TMTC2: variants seen among roughly 807,000 people sequenced by gnomAD.
TMTC2 encodes the protein protein O-mannosyl-transferase TMTC2.
A neutral mutation model predicts 82.4 loss-of-function variants in TMTC2; 43 were observed. The ratio of observed to expected loss-of-function variants is 0.52; its 90% confidence interval spans 0.41 to 0.67. The LOEUF is 0.67. Among genes scored for constraint, TMTC2 ranks in the 30% least tolerant of loss-of-function variants. The pLI is 0.00. For synonymous variants in TMTC2, 408 were observed against 381.9 expected (o/e 1.07, Z -0.80); for missense variants, 919 against 1,012.4 (o/e 0.91, Z 1.25).
Position 82,857,169 on chromosome 12 carries a change from G to T in TMTC2, c.243G>T (p.Gly81=). The change falls in exon 2 of 12, where the codon GGG becomes GGT. Residue 81 remains glycine (G), a synonymous_variant. Transcript: ENST00000321196. The part of the protein sequence containing the change: ...LSFRLNHAIG[G]LNPWSYHLVN... ...TTCGCCTGAACCATGCCATTGGAGG[G>T]TTGAATCCCTGGAGCTACCATCTTG... 1 of 1,614,142 alleles carries T rather than the reference G, an allele frequency of 6.2e-7. No individual in the cohort carries two copies. Among genetic ancestry groups the T allele is most frequent in the Non-Finnish European group, 8.5e-7 (1 of 1,180,028 alleles).
intron 11 of TMTC2, among the ~76,000 whole-genome samples, chr12:83,112,098 C>T (rs1884618938): frequency 6.6e-6 from 1 of 151,948 alleles, no homozygotes; most frequent in Non-Finnish European, 1.5e-5. Context: ...AGAGTGAGAC[C>T]CTGTCTAAAA....
chr12:82,908,332 A>AT (rs1254660606), intron 3 of TMTC2, among the ~76,000 whole-genome samples: 4 of 151,764 alleles, frequency 2.6e-5, no homozygotes, highest in Admixed American at 2.0e-4. Context: ...ATGGTTTTTG[A>AT]TTTTTTCACC....
At chr12:82,825,631 A>G (rs1869377681) in intron 1 of TMTC2, among the ~76,000 whole-genome samples, 1 of 152,214 alleles carries the variant, frequency 6.6e-6, no homozygotes, top group Non-Finnish European at 1.5e-5. Flanking sequence ...ACACCCTATC[A>G]TAATGTAAAA....
intron 11 of TMTC2, among the ~76,000 whole-genome samples, chr12:83,129,677 G>A (rs182132499): frequency 2.2e-4 from 34 of 152,304 alleles, no homozygotes; most frequent in Admixed American, 2.1e-3. Context: ...TCCTCAGTTT[G>A]TAGATTCAGT....
At chr12:82,778,219 A>G (rs979922345) in intron 1 of TMTC2, among the ~76,000 whole-genome samples, 1 of 152,124 alleles carries the variant, frequency 6.6e-6, no homozygotes, top group African/African-American at 2.4e-5. Context: ...GAGCATATCT[A>G]AAGTTTCATT....
chr12:82,992,339 G>T (rs1393335431), intron 8 of TMTC2, among the ~76,000 whole-genome samples: 2 of 152,072 alleles, frequency 1.3e-5, no homozygotes, highest in East Asian at 1.9e-4. Context: ...GGGTTTTTTT[G>T]TTTGTTTGTT....
intron 1 of TMTC2, among the ~76,000 whole-genome samples, chr12:82,797,346 A>G (rs574648560): frequency 7.9e-5 from 12 of 152,302 alleles, no homozygotes; most frequent in African/African-American, 2.2e-4. Context: ...CACCAAGACA[A>G]TTGTTACACT....
chr12:82,923,647 T>A (rs767456529), intron 3 of TMTC2, among the ~76,000 whole-genome samples: 1 of 152,220 alleles, frequency 6.6e-6, no homozygotes, highest in Non-Finnish European at 1.5e-5. Flanking sequence ...GGTTTATCTT[T>A]GTTTTTCATG....
At chr12:82,838,117 C>T (rs1169066561) in intron 1 of TMTC2, among the ~76,000 whole-genome samples, 1 of 152,142 alleles carries the variant, frequency 6.6e-6, no homozygotes, top group Admixed American at 6.6e-5. Context: ...CTTCCCTATC[C>T]TTCTTCTCCC....
intron 2 of TMTC2, among the ~76,000 whole-genome samples, chr12:82,875,712 A>G (rs1169805758): frequency 6.6e-6 from 1 of 152,152 alleles, no homozygotes; most frequent in Non-Finnish European, 1.5e-5. Flanking sequence ...AAGAATAACC[A>G]CCTCTAGAAG....
chr12:83,048,569 G>GA (rs1483703851), intron 9 of TMTC2, among the ~76,000 whole-genome samples: 6 of 151,946 alleles, frequency 3.9e-5, no homozygotes, highest in African/African-American at 9.7e-5. Flanking sequence ...ACTTGCTTTT[G>GA]AAAAAAACAG....
intron 9 of TMTC2, among the ~76,000 whole-genome samples, chr12:83,033,824 G>T (rs1452350899): frequency 6.7e-6 from 1 of 150,130 alleles, no homozygotes; most frequent in Non-Finnish European, 1.5e-5. Context: ...GTGTGTGTGT[G>T]TGTGTGTGTA....
chr12:82,979,734 T>G (rs540975360), intron 7 of TMTC2, among the ~76,000 whole-genome samples: 1 of 151,818 alleles, frequency 6.6e-6, no homozygotes, highest in Non-Finnish European at 1.5e-5. Context: ...TAAAGGTCAT[T>G]TTCTTTCAGA....
At position 82,857,023 on chromosome 12, in the gene TMTC2, A is replaced by G. The variant is rs768133187; in HGVS notation, c.97A>G (p.Thr33Ala). ...FCYDDSRAIK[T>A]NQDLLPETPW... ...TTTGTTTTTTAGCCGTGCTATCAAG[A>G]CTAATCAGGACCTTCTCCCAGAAAC... The change falls in exon 2 of 12, where the codon ACT (threonine) becomes GCT (alanine). Residue 33 changes from threonine to alanine, a missense_variant. Transcript: ENST00000321196. 6.2e-7 allele frequency: 1 copy of G among 1,612,332 alleles called. No homozygotes were observed. Among genetic ancestry groups the G allele is most frequent in the Non-Finnish European group, 8.5e-7 (1 of 1,179,700 alleles).
At chr12:82,878,148 A>G (rs561976970) in intron 2 of TMTC2, among the ~76,000 whole-genome samples, 1 of 152,290 alleles carries the variant, frequency 6.6e-6, no homozygotes, top group Non-Finnish European at 1.5e-5. Flanking sequence ...ATATGACATG[A>G]TGTGTTTCTT....
rs1213618232 is a variant in TMTC2 at position 82,963,792 on chromosome 12, C to CACATATATATAT, written c.1599-1231_1599-1230insCATATATATATA. 5.7e-5 allele frequency among the ~76,000 whole-genome samples: 3 copies of CACATATATATAT among 53,020 alleles called. 1 individual carries two copies. Among genetic ancestry groups the CACATATATATAT allele is most frequent in the African/African-American group, 9.3e-5 (2 of 21,462 alleles). 34.8% of individuals were successfully genotyped at this position (53,020 alleles called of 152,430 possible). A position where few individuals can be genotyped will look rare whatever the true frequency, so the allele number is the denominator to read the frequency against. The stretch of plus-strand genomic sequence containing the variant: ...TCAGATTAACTGTTGTCCAGATTTT[C>CACATATATATAT]ATATATATATATATATATATATATA... On this transcript the variant is annotated intron_variant, in intron 4 of 11. Coordinates refer to ENST00000321196, the MANE Select transcript of TMTC2 (RefSeq NM_152588.3).
At chr12:82,855,590 A>T (rs1414395742) in intron 1 of TMTC2, among the ~76,000 whole-genome samples, 7 of 152,122 alleles carry the variant, frequency 4.6e-5, no homozygotes, top group Non-Finnish European at 5.9e-5. Flanking sequence ...TGTGTCTCTT[A>T]TATGTTCTGT....
intron 5 of TMTC2, 33 bp downstream of exon 5, chr12:82,965,142 C>A: frequency 1.3e-6 from 2 of 1,489,366 alleles, no homozygotes; most frequent in Non-Finnish European, 1.9e-6. Flanking sequence ...TTTTTTTATA[C>A]CTCTTTCCAT....
chr12:83,132,665 A>G lies in TMTC2; in HGVS notation c.*276A>G. On this transcript the variant is annotated 3_prime_UTR_variant, in exon 12 of 12. Transcript: ENST00000321196. ...AACAGAACCTTTTGGCATTCTTAAA[A>G]AGGGAGGGGTGGGTGTGTAAGTCAC... 2.8e-6 allele frequency: 1 copy of G among 353,854 alleles called. No individual in the cohort carries two copies. Among genetic ancestry groups the G allele is most frequent in the Non-Finnish European group, 5.0e-6 (1 of 198,992 alleles). The allele number at this position is 353,854 out of a possible 1,614,324, so 21.9% of individuals were successfully genotyped here.
Sources: allele counts gnomAD v4.1 joint callset (sites outside exome capture counted in the v4.1 genomes callset), GRCh38; gene constraint gnomAD v4.1.1; transcripts MANE v1.5; gene names NCBI Gene and HGNC (gene_info 2026-07-23, HGNC 2026-07-21).